Variants in CDH13 observed in about 807,000 individuals in gnomAD.
The protein encoded by CDH13 is cadherin-13.
A neutral mutation model predicts 63.8 loss-of-function variants in CDH13; 24 were observed. The observed-to-expected ratio is 0.38, with a 90% CI of 0.27 to 0.53. The LOEUF is 0.53. CDH13 is among the 20% of genes least tolerant of loss of function. The pLI is 0.85. For synonymous variants in CDH13, 503 were observed against 355.3 expected, an observed-to-expected ratio of 1.42 and a Z score of -4.67; for missense variants, 1,049 against 903.1, an observed-to-expected ratio of 1.16 and a Z score of -2.07.
intron 3 of CDH13, among the ~76,000 whole-genome samples, chr16:83,068,829 C>T (rs1268279254): frequency 6.6e-6 from 1 of 152,192 alleles, no homozygotes; most frequent in Non-Finnish European, 1.5e-5. Context: ...TCTGCCTTAA[C>T]CGTTCCCTGC....
rs1207507393 is a variant in CDH13, at chr16:82,644,393, A to G, written c.45+17256A>G. On this transcript the variant is annotated intron_variant, in intron 1 of 13. Transcript: ENST00000567109. This position sits in a 1 kb window ranked among gnomAD's most constrained non-coding sequence, Gnocchi z 5.7. Reference sequence around the variant, plus strand: ...CCCCTACGGAGTTCCTTTGATTCTCAGGTCCCTTAACCATGGAACGTACTC... The same window carrying G: ...CCCCTACGGAGTTCCTTTGATTCTCGGGTCCCTTAACCATGGAACGTACTC... 6.6e-6 allele frequency among the ~76,000 whole-genome samples: 1 copy of G among 151,940 alleles called. No homozygotes were observed. The highest frequency in any genetic ancestry group is 1.5e-5 in the Non-Finnish European group (1 of 68,000).
chr16:83,283,451 C>T (rs1334947942), intron 5 of CDH13, among the ~76,000 whole-genome samples: 1 of 152,064 alleles, frequency 6.6e-6, no homozygotes, highest in South Asian at 2.1e-4. Flanking sequence ...ATTAGCTGGG[C>T]GTGGTGGTGC....
intron 5 of CDH13, among the ~76,000 whole-genome samples, chr16:83,317,847 C>T (rs1175378732): frequency 5.3e-5 from 8 of 151,882 alleles, no homozygotes; most frequent in Non-Finnish European, 7.4e-5. Flanking sequence ...ATGCTCCCCA[C>T]TCCCAAGTGG....
chr16:82,715,644 C>T (rs2032311905), intron 1 of CDH13, among the ~76,000 whole-genome samples: 1 of 152,158 alleles, frequency 6.6e-6, no homozygotes, highest in African/African-American at 2.4e-5. Context: ...CACATCCCCA[C>T]CGTCTGTGCC....
intron 2 of CDH13, among the ~76,000 whole-genome samples, chr16:82,862,522 G>T (rs1399157727): frequency 6.6e-6 from 1 of 151,798 alleles, no homozygotes; most frequent in African/African-American, 2.4e-5. Context: ...CCAGAAAGAA[G>T]ATCCTCATTG....
At chr16:83,648,433 C>T (rs1281377153) in intron 8 of CDH13, among the ~76,000 whole-genome samples, 1 of 152,192 alleles carries the variant, frequency 6.6e-6, no homozygotes, top group Admixed American at 6.5e-5. Context: ...AGAGGCATCA[C>T]CGTGACTTGC....
At chr16:83,254,538 C>T (rs927631283) in intron 5 of CDH13, among the ~76,000 whole-genome samples, 3 of 152,168 alleles carry the variant, frequency 2.0e-5, no homozygotes, top group Non-Finnish European at 4.4e-5. Flanking sequence ...GGACAGGATC[C>T]CCTGTGGCTG....
intron 7 of CDH13, among the ~76,000 whole-genome samples, chr16:83,591,313 A>T (rs904399500): frequency 6.6e-6 from 1 of 152,214 alleles, no homozygotes; most frequent in Non-Finnish European, 1.5e-5. Flanking sequence ...AGAAAACAAA[A>T]GCTAATGTGG....
At chr16:83,357,316 G>A (rs753429670) in intron 6 of CDH13, among the ~76,000 whole-genome samples, 2 of 152,174 alleles carry the variant, frequency 1.3e-5, no homozygotes, top group Non-Finnish European at 2.9e-5. Context: ...GACTTGAATA[G>A]TAACATGTGT....
intron 9 of CDH13, among the ~76,000 whole-genome samples, chr16:83,672,118 A>G (rs1914550548): frequency 6.6e-6 from 1 of 152,202 alleles, no homozygotes; most frequent in African/African-American, 2.4e-5. Flanking sequence ...CTTGGCCAAG[A>G]CACCCATGTT....
chr16:83,620,696 C>T (rs930226064), intron 8 of CDH13, among the ~76,000 whole-genome samples: 5 of 152,202 alleles, frequency 3.3e-5, no homozygotes, highest in Non-Finnish European at 7.3e-5. Context: ...TGTCCCTCCA[C>T]GTAGATGAGG....
At chr16:82,685,853 TG>T (rs1481692329) in intron 1 of CDH13, among the ~76,000 whole-genome samples, 2 of 152,222 alleles carry the variant, frequency 1.3e-5, no homozygotes, top group Admixed American at 6.5e-5. Context: ...ACAGAACCTT[TG>T]TTTTAAGCAG....
chr16:82,803,634 A>G (rs1254004130), intron 1 of CDH13, among the ~76,000 whole-genome samples: 1 of 152,236 alleles, frequency 6.6e-6, no homozygotes, highest in Non-Finnish European at 1.5e-5. Flanking sequence ...GTGGGATATC[A>G]TTCAGTCATA....
At chr16:83,330,598 C>G (rs945672839) in intron 5 of CDH13, among the ~76,000 whole-genome samples, 4 of 152,266 alleles carry the variant, frequency 2.6e-5, no homozygotes, top group South Asian at 4.2e-4. Context: ...ACCAATGTAG[C>G]ACAGATAGGG....
chr16:82,721,451 G>A (rs1485732842), intron 1 of CDH13, among the ~76,000 whole-genome samples: 1 of 152,098 alleles, frequency 6.6e-6, no homozygotes, highest in African/African-American at 2.4e-5. Context: ...TAGGGTAGAA[G>A]GTGCAGGATA....
chr16:83,157,242 C>T (rs143808182), intron 4 of CDH13, among the ~76,000 whole-genome samples: 28 of 152,140 alleles, frequency 1.8e-4, no homozygotes, highest in African/African-American at 5.8e-4. Flanking sequence ...TCAGATCAAG[C>T]GGTGAGATGA....
chr16:83,622,779 A>T (rs1909932698), intron 8 of CDH13, among the ~76,000 whole-genome samples: 1 of 152,238 alleles, frequency 6.6e-6, no homozygotes, highest in Non-Finnish European at 1.5e-5. Context: ...CAAGTTCACC[A>T]GTCTCTGTGA....
At chr16:83,172,985 G>A (rs9936229) in intron 4 of CDH13, among the ~76,000 whole-genome samples, 54,485 of 151,874 alleles carry the variant, frequency 0.36, 11,380 homozygotes, top group African/African-American at 0.57. Flanking sequence ...TACCGTTAAC[G>A]TGTCCGAAAT....
At chr16:82,881,668 C>G (rs948988816) in intron 2 of CDH13, among the ~76,000 whole-genome samples, 1 of 152,156 alleles carries the variant, frequency 6.6e-6, no homozygotes, top group Admixed American at 6.5e-5. Flanking sequence ...CTACAGTCAT[C>G]TAGAAAACAA....
Sources: allele counts gnomAD v4.1 joint callset (sites outside exome capture counted in the v4.1 genomes callset), GRCh38; gene constraint gnomAD v4.1.1; non-coding constraint Gnocchi (gnomAD v3.1); transcripts MANE v1.5; gene names NCBI Gene and HGNC (gene_info 2026-07-23, HGNC 2026-07-21).